Variants in ARFGEF1 observed in about 807,000 individuals in gnomAD.
The protein encoded by ARFGEF1 is ARF guanine nucleotide exchange factor 1, also known as brefeldin A-inhibited guanine nucleotide-exchange protein 1.
A neutral mutation model predicts 231.0 loss-of-function variants in ARFGEF1; 42 were observed. The ratio of observed to expected loss-of-function variants is 0.18; its 90% confidence interval spans 0.14 to 0.24. ARFGEF1 has a LOEUF of 0.24. ARFGEF1 is among the 10% of genes least tolerant of loss of function. The pLI is 1.00. For synonymous variants in ARFGEF1, 710 were observed against 732.3 expected (o/e 0.97, Z 0.49); for missense variants, 1,345 against 2,192.0 (o/e 0.61, Z 7.72).
intron 4 of ARFGEF1, among the ~76,000 whole-genome samples, chr8:67,296,849 T>C (rs1288540220): frequency 6.6e-6 from 1 of 151,954 alleles, no homozygotes; most frequent in Non-Finnish European, 1.5e-5. Flanking sequence ...AGATGCAGTC[T>C]CTCTTTGTTG....
At chr8:67,219,677 T>A in intron 29 of ARFGEF1, 117 bp from the exon 30 acceptor site, 1 of 1,093,520 alleles carries the variant, frequency 9.1e-7, no homozygotes, top group Non-Finnish European at 1.3e-6. Flanking sequence ...AGTCTGAAAT[T>A]AACACATGAC....
rs1266350299 is a variant in ARFGEF1 at position 67,198,241 on chromosome 8, C to T, written c.*693G>A. The T allele has an allele frequency of 2.0e-6, 2 of 985,552 alleles. No homozygotes were observed. Among genetic ancestry groups the T allele is most frequent in the Middle Eastern group, 5.2e-4 (1 of 1,936 alleles). The allele number at this position is 985,552 out of a possible 1,614,324, so 61.1% of individuals were successfully genotyped here. A position where few individuals can be genotyped will look rare whatever the true frequency, so the allele number is the denominator to read the frequency against. On this transcript the variant is annotated 3_prime_UTR_variant, in exon 39 of 39. Transcript: ENST00000262215. ...TCACCACCTACCAAAAAGGGCAAAA[C>T]TAAAAATCCCTATAAAATAAAAAAG...
At chr8:67,342,055 T>G (rs1355715068) in intron 1 of ARFGEF1, among the ~76,000 whole-genome samples, 1 of 152,246 alleles carries the variant, frequency 6.6e-6, no homozygotes. Context: ...TCCTTAACTC[T>G]AGCATACTTT....
At chr8:67,320,944 A>C (rs1807561147) in intron 1 of ARFGEF1, among the ~76,000 whole-genome samples, 1 of 152,136 alleles carries the variant, frequency 6.6e-6, no homozygotes, top group Non-Finnish European at 1.5e-5. Context: ...CAATAGAGTG[A>C]GATTCCATCT....
At chr8:67,254,238 G>T (rs1840384718) in intron 17 of ARFGEF1, among the ~76,000 whole-genome samples, 1 of 152,172 alleles carries the variant, frequency 6.6e-6, no homozygotes, top group African/African-American at 2.4e-5. Context: ...TTTGGAGTCT[G>T]TAAGACGGTA....
Position 67,343,311 on chromosome 8 carries a change from C to T in ARFGEF1, c.-24G>A, listed in dbSNP as rs184321399. ...ATGGACGCAGAGAAGGAGGCGGCGG[C>T]TCGTCCGACCCGCGGCTCCCAGCGG... On this transcript the variant is annotated 5_prime_UTR_variant, in exon 1 of 39. Transcript: ENST00000262215. 1,782 of 1,610,052 alleles carry T rather than the reference C, an allele frequency of 1.1e-3. 23 individuals are homozygous for T. The African/African-American group carries it at 0.02, about 18-fold the overall frequency.
At chr8:67,290,658 T>C (rs1046373276) in intron 6 of ARFGEF1, among the ~76,000 whole-genome samples, 1 of 152,052 alleles carries the variant, frequency 6.6e-6, no homozygotes, top group African/African-American at 2.4e-5. Context: ...CATAGATATA[T>C]AAACAAAAAA....
chr8:67,211,666 G>A lies in ARFGEF1; in HGVS notation c.4687-51C>T, dbSNP rs369791198. On this transcript the variant is annotated intron_variant, in intron 33 of 38. Coordinates refer to ENST00000262215, the MANE Select transcript of ARFGEF1 (RefSeq NM_006421.5). ...TAAGTATGGTTAATAAAGTTTATGG[G>A]TGAAAATATTTTCTAAAACGCTATT... 114 of 1,163,804 alleles carry A rather than the reference G, an allele frequency of 9.8e-5. 2 individuals carry two copies. In the African/African-American group the frequency reaches 1.7e-3, roughly 17 times the overall value. The allele number at this position is 1,163,804 out of a possible 1,614,324, so 72.1% of individuals were successfully genotyped here. A position where few individuals can be genotyped will look rare whatever the true frequency, so the allele number is the denominator to read the frequency against.
At chr8:67,223,159 T>C (rs1839258933) in intron 29 of ARFGEF1, among the ~76,000 whole-genome samples, 3 of 152,200 alleles carry the variant, frequency 2.0e-5, no homozygotes, top group African/African-American at 7.2e-5. Flanking sequence ...TAAGTAAGAA[T>C]GCACACAAGA....
intron 1 of ARFGEF1, among the ~76,000 whole-genome samples, chr8:67,313,878 C>A (rs958533253): frequency 1.3e-5 from 2 of 152,072 alleles, no homozygotes; most frequent in African/African-American, 2.4e-5. Context: ...TAGGGAAGGA[C>A]CATCAGGTGG....
At chr8:67,235,438 G>A (rs116967960) in intron 22 of ARFGEF1, among the ~76,000 whole-genome samples, 42 of 152,268 alleles carry the variant, frequency 2.8e-4, no homozygotes, top group Non-Finnish European at 5.0e-4. Flanking sequence ...GCATATTTAG[G>A]TTAAATAAGA....
At chr8:67,175,298 T>C (rs775097330), downstream of ARFGEF1, 5 of 1,606,162 alleles carry the variant, frequency 3.1e-6, no homozygotes, top group Non-Finnish European at 3.4e-6. Flanking sequence ...TATACCAGAT[T>C]CAGAAACACG....
chr8:67,271,996 G>A, intron 9 of ARFGEF1, 60 bp from the exon 10 acceptor site: 3 of 1,018,558 alleles, frequency 2.9e-6, no homozygotes, highest in Non-Finnish European at 4.3e-6. Context: ...GTAATAACAG[G>A]TTGTTCCAAA....
At chr8:67,175,356 C>G (rs750443075), downstream of ARFGEF1, 48 of 1,613,384 alleles carry the variant, frequency 3.0e-5, no homozygotes, top group Admixed American at 5.2e-4. Flanking sequence ...GATCATCACA[C>G]CTTAGAGATT....
In ARFGEF1 at chr8:67,291,974, C is replaced by T. The variant is rs763240744; in HGVS notation, c.789G>A (p.Gly263=). 1 of 1,613,798 alleles carries T rather than the reference C, an allele frequency of 6.2e-7. No homozygotes were observed. The highest frequency in any genetic ancestry group is 1.1e-5 in the South Asian group (1 of 91,058). Residue 263 remains glycine, a synonymous_variant, in exon 6 of 39, where the codon GGG becomes GGA. Coordinates refer to ENST00000262215, the MANE Select transcript of ARFGEF1 (RefSeq NM_006421.5). ...CATCATTTGTATGGAGGTCAAGGTC[C>T]CCTTCGTGTTCTTGGGATATATGAT... ...TVDHISQEHE[G]DLDLHTNDVD...
chr8:67,214,000 G>A (rs985883028), intron 33 of ARFGEF1, among the ~76,000 whole-genome samples: 11 of 152,190 alleles, frequency 7.2e-5, no homozygotes, highest in African/African-American at 2.2e-4. Context: ...ATGTAGAAGT[G>A]GCTTTGGAAC....
intron 30 of ARFGEF1, 26 bp downstream of exon 30, chr8:67,219,405 T>G: frequency 4.4e-6 from 7 of 1,598,926 alleles, no homozygotes; most frequent in Non-Finnish European, 6.0e-6. Context: ...TTGACTAAGC[T>G]AAATGAAAAT....
chr8:67,297,671 C>A (rs1164571353), intron 4 of ARFGEF1, among the ~76,000 whole-genome samples: 1 of 152,166 alleles, frequency 6.6e-6, no homozygotes, highest in Non-Finnish European at 1.5e-5. Context: ...TCCAATTTCT[C>A]AAGAGCAAAG....
At chr8:67,180,316 G>T (rs939375384) in intron 5 of ARFGEF1, among the ~76,000 whole-genome samples, 11 of 152,122 alleles carry the variant, frequency 7.2e-5, no homozygotes, top group African/African-American at 2.4e-4. Flanking sequence ...GAAATAGTCT[G>T]AGCAAAAAAG....
Sources: allele counts gnomAD v4.1 joint callset (sites outside exome capture counted in the v4.1 genomes callset), GRCh38; gene constraint gnomAD v4.1.1; transcripts MANE v1.5; gene names NCBI Gene and HGNC (gene_info 2026-07-23, HGNC 2026-07-21).